The following SHOX2 variants were observed in gnomAD, a reference collection of about 807,000 sequenced individuals.
The protein encoded by SHOX2 is short stature homeobox protein 2.
SHOX2 carries 13 observed loss-of-function variants against 31.3 expected under a neutral mutation model. That is an observed-to-expected ratio of 0.42 (90% CI 0.27 to 0.66). The LOEUF (loss-of-function observed/expected upper bound fraction) is 0.66. Ranked by LOEUF, SHOX2 falls within the 30% of genes least tolerant of loss-of-function variation. SHOX2 has a pLI of 0.27. For synonymous variants in SHOX2, 244 were observed against 196.2 expected, an observed-to-expected ratio of 1.24 and a Z score of -2.04; for missense variants, 473 against 443.0, an observed-to-expected ratio of 1.07 and a Z score of -0.61.
intron 1 of SHOX2, chr3:158,104,232 C>T (rs1237813822): frequency 2.0e-5 from 3 of 152,286 alleles, no homozygotes; most frequent in East Asian, 3.8e-4. Flanking sequence ...ACCTCGCCGT[C>T]AGGCGCGCTG....
At chr3:158,102,929 AACAC>A (rs374383282) in intron 1 of SHOX2, 43 bp from the exon 2 acceptor site, 19 of 1,477,144 alleles carry the variant, frequency 1.3e-5, no homozygotes, top group South Asian at 7.9e-5. Context: ...CATCCACACG[AACAC>A]ACACACACAC....
Position 158,096,392 on chromosome 3 carries a change from T to G in SHOX2, c.*1635A>C, listed in dbSNP as rs114147508. The G allele has an allele frequency of 5.0e-3, 685 of 135,668 alleles. 5 individuals are homozygous for G. The highest frequency in any genetic ancestry group is 0.017 in the African/African-American group (606 of 36,518). 8.4% of individuals were successfully genotyped at this position (135,668 alleles called of 1,614,324 possible). On this transcript the variant is annotated 3_prime_UTR_variant, in exon 5 of 5. Transcript: ENST00000483851. ...TCCCAGTTTAAATAGCTACATGAAT[T>G]GAAACAAACAACCAAAAGAAAAAAA...
At chr3:158,102,582 C>T (rs1713559533) in intron 2 of SHOX2, 96 bp downstream of exon 2, 3 of 966,568 alleles carry the variant, frequency 3.1e-6, no homozygotes, top group Non-Finnish European at 3.3e-6. Context: ...ACACCAGACA[C>T]TAGAAGCACC....
In SHOX2 at chr3:158,102,777, G is replaced by T. The variant is rs1418927120; in HGVS notation, c.456C>A (p.Leu152=). 6.2e-7 allele frequency: 1 copy of T among 1,614,072 alleles called. No individual in the cohort carries two copies. Among genetic ancestry groups the T allele is most frequent in the Non-Finnish European group, 8.5e-7 (1 of 1,180,020 alleles). Residue 152 remains leucine, a synonymous_variant, in exon 2 of 5, where the codon CTC becomes CTA. Coordinates refer to ENST00000483851, the MANE Select transcript of SHOX2 (RefSeq NM_001163678.2). ...RSRTNFTLEQ[L]NELERLFDET... The stretch of plus-strand genomic sequence containing the variant: ...CGTCAAAAAGCCTCTCCAGCTCATT[G>T]AGTTGTTCCAGGGTGAAATTGGTCC...
rs1713231500 is a variant in SHOX2 at position 158,098,002 on chromosome 3, C to T, written c.*25G>A. On this transcript the variant is annotated 3_prime_UTR_variant, in exon 5 of 5. Transcript: ENST00000483851. ...TGCAGGCTGAGTGCCGCGGGACAGG[C>T]GCGACATTGGTGCTGGCGTTGGCGT... The T allele has an allele frequency of 2.4e-5, 38 of 1,565,870 alleles. No individual in the cohort carries two copies. Among genetic ancestry groups the T allele is most frequent in the Non-Finnish European group, 3.3e-5 (38 of 1,154,500 alleles).
intron 1 of SHOX2, chr3:158,103,176 A>AC: frequency 2.0e-6 from 1 of 496,224 alleles, no homozygotes; most frequent in East Asian, 3.9e-5. Context: ...CTCACTATTC[A>AC]CCCCCCAGTC....
rs761980537 is a variant in SHOX2, at chr3:158,102,837, G to C, written c.396C>G (p.Asp132Glu). 3.1e-6 allele frequency: 5 copies of C among 1,613,946 alleles called. No homozygotes were observed. In the East Asian group the frequency reaches 8.9e-5, roughly 29 times the overall value. ...DRKEDAKGME[D>E]EGQTKIKQRR... ...TCTGCTTGATTTTGGTCTGGCCTTCGTCCTCCATCCCTTTCGCATCCTCTT... is the reference window on the plus strand; with the variant it reads ...TCTGCTTGATTTTGGTCTGGCCTTCCTCCTCCATCCCTTTCGCATCCTCTT... The change falls in exon 2 of 5, where the codon GAC becomes GAG. Residue 132 changes from aspartate (D) to glutamate (E), a missense_variant. Around this residue, in one of 3 missense-constraint regions of SHOX2, gnomAD observed 276 missense variants for 230.0 expected, o/e 1.20. Transcript: ENST00000483851.
intron 2 of SHOX2, 31 bp downstream of exon 2, chr3:158,102,647 C>T (rs754726546): frequency 1.9e-6 from 3 of 1,602,232 alleles, no homozygotes; most frequent in South Asian, 1.1e-5. Flanking sequence ...TCTCTGCTCC[C>T]TGGGCCCTCG....
chr3:158,102,408 G>A (rs982007611), intron 2 of SHOX2, among the ~76,000 whole-genome samples: 1 of 151,956 alleles, frequency 6.6e-6, no homozygotes, highest in Non-Finnish European at 1.5e-5. Context: ...CGAGGCAAGG[G>A]GGGTGTGGTT....
chr3:158,101,643 T>C (rs1351094696), intron 2 of SHOX2, among the ~76,000 whole-genome samples: 1 of 152,154 alleles, frequency 6.6e-6, no homozygotes, highest in Non-Finnish European at 1.5e-5. Context: ...TTAAGAATTG[T>C]GCATAGTTCG....
In SHOX2 at chr3:158,102,668, A is replaced by G. The variant is rs1395325025; in HGVS notation, c.555+10T>C. 2 of 1,613,664 alleles carry G rather than the reference A, an allele frequency of 1.2e-6. No individual in the cohort carries two copies. Among genetic ancestry groups the G allele is most frequent in the South Asian group, 2.2e-5 (2 of 91,052 alleles). ...CTCCCTGGGCCCTCGACCTCCTGGC[A>G]GCTGGGTACCTGCACTCGGGCCTCC... On this transcript the variant is annotated intron_variant, in intron 2 of 4. Coordinates refer to ENST00000483851, the MANE Select transcript of SHOX2 (RefSeq NM_001163678.2).
chr3:158,103,205 A>C, intron 1 of SHOX2: 1 of 450,198 alleles, frequency 2.2e-6, no homozygotes, highest in Non-Finnish European at 4.1e-6. Context: ...TCCCCAGCAA[A>C]CACCAAATGG....
chr3:158,098,130 G>C lies in SHOX2; in HGVS notation c.857C>G (p.Ser286Trp), dbSNP rs759639920. Residue 286 changes from serine (S) to tryptophan (W), a missense_variant, in exon 5 of 5, where the codon TCG becomes TGG. Coordinates refer to ENST00000483851, the MANE Select transcript of SHOX2 (RefSeq NM_001163678.2). ...TLAADSASAASVVAAAAAAKT... is the reference protein window; with the variant it reads ...TLAADSASAAWVVAAAAAAKT... Reference sequence around the variant, plus strand: ...GGCGGCTGCTGCGGCCGCCACTACCGAGGCGGCGGAAGCCGAATCCGCGGC... The same window carrying C: ...GGCGGCTGCTGCGGCCGCCACTACCCAGGCGGCGGAAGCCGAATCCGCGGC... 30 of 1,613,168 alleles carry C rather than the reference G, an allele frequency of 1.9e-5. No individual in the cohort carries two copies. The highest frequency in any genetic ancestry group is 3.3e-5 in the South Asian group (3 of 91,012).
intron 1 of SHOX2, chr3:158,103,343 CGGCCA>C: frequency 4.4e-6 from 1 of 226,150 alleles, no homozygotes; most frequent in East Asian, 1.1e-4. Context: ...CCTCTCACAC[CGGCCA>C]TTCCCAGAAG....
intron 4 of SHOX2, 123 bp downstream of exon 4, chr3:158,099,737 A>G (rs753769540): frequency 4.8e-5 from 36 of 757,304 alleles, no homozygotes; most frequent in Non-Finnish European, 6.9e-5. Context: ...TATCATCTCA[A>G]AATGATTCTC....
At chr3:158,104,301 A>C (rs1336586348) in intron 1 of SHOX2, among the ~76,000 whole-genome samples, 1 of 152,230 alleles carries the variant, frequency 6.6e-6, no homozygotes, top group Non-Finnish European at 1.5e-5. Flanking sequence ...TGCACTGGGC[A>C]CCTTGACGGT....
chr3:158,104,200 C>T (rs577390956), intron 1 of SHOX2: 2 of 152,390 alleles, frequency 1.3e-5, no homozygotes, highest in South Asian at 4.1e-4. Flanking sequence ...AGGAACTGCG[C>T]CCGCCGGGGG....
At chr3:158,098,949 C>T (rs552646525) in intron 4 of SHOX2, among the ~76,000 whole-genome samples, 2 of 152,236 alleles carry the variant, frequency 1.3e-5, no homozygotes, top group African/African-American at 4.8e-5. Context: ...TTAAAGTCAC[C>T]CCTCCCTCTT....
Position 158,106,109 on chromosome 3 carries a change from C to G in SHOX2, c.-85G>C, listed in dbSNP as rs552536554. The G allele has an allele frequency of 7.0e-6, 11 of 1,579,478 alleles. No homozygotes were observed. The highest frequency in any genetic ancestry group is 1.4e-5 in the African/African-American group (1 of 72,208). The stretch of plus-strand genomic sequence containing the variant: ...CTTCTTCTTTTTTTACTGCTCCAGC[C>G]CCCCCAATAATAACACATCAATGGG... On this transcript the variant is annotated 5_prime_UTR_variant, in exon 1 of 5. Coordinates refer to ENST00000483851, the MANE Select transcript of SHOX2 (RefSeq NM_001163678.2).
Sources: gnomAD v4.1 joint callset for allele counts (sites outside exome capture counted in the v4.1 genomes callset) on GRCh38, gnomAD v4.1.1 for gene constraint, gnomAD v4.1.1 regional missense constraint, MANE v1.5 for transcripts, NCBI Gene and HGNC (gene_info 2026-07-23, HGNC 2026-07-21) for gene names.